Variants in BAZ1A observed in about 807,000 individuals in gnomAD.
The protein encoded by BAZ1A is bromodomain adjacent to zinc finger domain 1A, also known as bromodomain adjacent to zinc finger domain protein 1A.
Under a neutral mutation model 185.2 loss-of-function variants are expected in BAZ1A, and 50 were observed. That is an observed-to-expected ratio of 0.27 (90% CI 0.22 to 0.34). The LOEUF is 0.34. Ranked by LOEUF, BAZ1A falls within the 10% of genes least tolerant of loss-of-function variation. BAZ1A has a pLI of 1.00. For missense variants in BAZ1A, 1,356 were observed against 1,839.9 expected (o/e 0.74, Z 4.81); for synonymous variants, 571 against 615.6 (o/e 0.93, Z 1.07).
At chr14:34,865,746 T>C (rs2042847625) in intron 2 of BAZ1A, among the ~76,000 whole-genome samples, 1 of 151,936 alleles carries the variant, frequency 6.6e-6, no homozygotes, top group South Asian at 2.1e-4. Context: ...GTGTATATCA[T>C]CAAAAATACA....
chr14:34,783,768 G>A lies in BAZ1A; in HGVS notation c.1991C>T (p.Ala664Val). 6.2e-7 allele frequency: 1 copy of A among 1,603,522 alleles called. No homozygotes were observed. The highest frequency in any genetic ancestry group is 1.1e-5 in the South Asian group (1 of 88,468). The change falls in exon 15 of 27, where the codon GCT becomes GTT. Residue 664 changes from alanine to valine, a missense_variant. Transcript: ENST00000360310. ...TATTACAATTATCTCTTACCTGGCA[G>A]CTGCTTCTTCCCTCTCTTTTCGATG... ...EQHRKEREEA[A>V]ARIRKRKEEK...
intron 2 of BAZ1A, among the ~76,000 whole-genome samples, chr14:34,871,291 C>G (rs1403767686): frequency 6.6e-6 from 1 of 152,202 alleles, no homozygotes; most frequent in Non-Finnish European, 1.5e-5. Context: ...CTCTTGGCCT[C>G]AAGTGATCCT....
intron 3 of BAZ1A, among the ~76,000 whole-genome samples, chr14:34,829,573 G>T (rs1192965559): frequency 6.6e-6 from 1 of 152,002 alleles, no homozygotes; most frequent in Admixed American, 6.6e-5. Flanking sequence ...TCAAAAGTGT[G>T]ACTTATATTG....
intron 2 of BAZ1A, among the ~76,000 whole-genome samples, chr14:34,867,433 G>C (rs1252850411): frequency 6.6e-6 from 1 of 150,764 alleles, no homozygotes; most frequent in African/African-American, 2.4e-5. Flanking sequence ...AGTAGGTCAC[G>C]CATGGGATAT....
intron 6 of BAZ1A, among the ~76,000 whole-genome samples, chr14:34,803,380 GAAAAA>G (rs11448366): frequency 8.7e-6 from 1 of 114,898 alleles, no homozygotes; most frequent in African/African-American, 3.4e-5. Context: ...TCCATCTCAG[GAAAAA>G]AAAAAAAAAA....
In BAZ1A at chr14:34,844,205, C is replaced by CAA. The variant is rs71121227; in HGVS notation, c.392+17837_392+17838dup. 4.0e-4 allele frequency among the ~76,000 whole-genome samples: 44 copies of CAA among 109,806 alleles called. 2 individuals are homozygous for CAA. The highest frequency in any genetic ancestry group is 1.3e-3 in the African/African-American group (34 of 26,814). 72.0% of individuals were successfully genotyped at this position (109,806 alleles called of 152,430 possible). A position where few individuals can be genotyped will look rare whatever the true frequency, so the allele number is the denominator to read the frequency against. On this transcript the variant is annotated intron_variant, in intron 3 of 26. Coordinates refer to ENST00000360310, the MANE Select transcript of BAZ1A (RefSeq NM_013448.3). ...TGGGCGACAGAGCGAGACTCCGTCTCAAAAAAAAAAAAAAAAAAAAAAAAA... is the reference window on the plus strand; with the variant it reads ...TGGGCGACAGAGCGAGACTCCGTCTCAAAAAAAAAAAAAAAAAAAAAAAAAAA...
At chr14:34,789,812 A>G (rs1010346761) in intron 12 of BAZ1A, among the ~76,000 whole-genome samples, 2 of 152,236 alleles carry the variant, frequency 1.3e-5, no homozygotes, top group African/African-American at 2.4e-5. Flanking sequence ...AATGCCAGAG[A>G]AACAAATATT....
At chr14:34,827,734 CAAAAA>C (rs60368383) in intron 3 of BAZ1A, among the ~76,000 whole-genome samples, 1 of 133,096 alleles carries the variant, frequency 7.5e-6, no homozygotes. Flanking sequence ...GACTCTGTCT[CAAAAA>C]AAAAAAAAAA....
At chr14:34,762,333 A>G (rs567490116) in intron 23 of BAZ1A, 110 bp from the exon 24 acceptor site, 193 of 1,012,790 alleles carry the variant, frequency 1.9e-4, no homozygotes, top group African/African-American at 4.4e-4. Context: ...AATTTTCTAT[A>G]TAACTGAGAC....
intron 11 of BAZ1A, among the ~76,000 whole-genome samples, chr14:34,793,671 G>A (rs1026613584): frequency 6.6e-6 from 1 of 152,182 alleles, no homozygotes; most frequent in Non-Finnish European, 1.5e-5. Flanking sequence ...TGGGCCAGGT[G>A]TGGTGGCTCA....
intron 5 of BAZ1A, among the ~76,000 whole-genome samples, chr14:34,809,333 G>A (rs1230270587): frequency 6.6e-6 from 1 of 152,042 alleles, no homozygotes; most frequent in East Asian, 1.9e-4. Flanking sequence ...TAGTCCTGAA[G>A]GACTTCATTA....
intron 18 of BAZ1A, among the ~76,000 whole-genome samples, chr14:34,775,626 T>C (rs1879546975): frequency 6.6e-6 from 1 of 152,214 alleles, no homozygotes; most frequent in Non-Finnish European, 1.5e-5. Context: ...GAGTCTATTC[T>C]TGGGTTTCAG....
chr14:34,825,447 CAAAAAAAAAA>C (rs35449855), intron 4 of BAZ1A, among the ~76,000 whole-genome samples: 26 of 55,432 alleles, frequency 4.7e-4, no homozygotes, highest in Admixed American at 8.3e-4. Flanking sequence ...AACTCTGTCT[CAAAAAAAAAA>C]AAAAAAAAAA....
chr14:34,819,936 G>C (rs2042061509), intron 4 of BAZ1A, among the ~76,000 whole-genome samples: 1 of 152,148 alleles, frequency 6.6e-6, no homozygotes, highest in Admixed American at 6.5e-5. Context: ...AGCATTTGGT[G>C]TTGTCAGTGT....
chr14:34,836,610 T>A (rs912204025), intron 3 of BAZ1A, among the ~76,000 whole-genome samples: 8 of 151,872 alleles, frequency 5.3e-5, no homozygotes, highest in Non-Finnish European at 1.2e-4. Context: ...TGCTCCCCAT[T>A]CTGCCTCATT....
chr14:34,764,392 A>G (rs1391978637), intron 23 of BAZ1A, among the ~76,000 whole-genome samples: 1 of 147,330 alleles, frequency 6.8e-6, no homozygotes, highest in Non-Finnish European at 1.5e-5. Flanking sequence ...TCCCGGGTTC[A>G]AGCAGCTCTC....
intron 9 of BAZ1A, among the ~76,000 whole-genome samples, chr14:34,797,973 C>A (rs764123251): frequency 3.9e-5 from 6 of 152,252 alleles, no homozygotes; most frequent in Non-Finnish European, 7.3e-5. Context: ...TGCCCAAATA[C>A]TGCGCTTTTC....
chr14:34,780,241 T>C lies in BAZ1A; in HGVS notation c.2181A>G (p.Gln727=). 6.2e-7 allele frequency: 1 copy of C among 1,613,766 alleles called. No individual in the cohort carries two copies. The highest frequency in any genetic ancestry group is 8.5e-7 in the Non-Finnish European group (1 of 1,179,842). The change falls in exon 17 of 27, where the codon CAA becomes CAG. Residue 727 remains glutamine (Q), a synonymous_variant. Transcript: ENST00000360310. ...CATCTTCATCTTCAGTGACCATATC[T>C]TGATCTAATTCCTTTTGCTCTGTGT... ...SKDTEQKELD[Q]DMVTEDEDDP...
chr14:34,778,887 C>G (rs1228513866), intron 17 of BAZ1A, among the ~76,000 whole-genome samples: 1 of 152,138 alleles, frequency 6.6e-6, no homozygotes, highest in Non-Finnish European at 1.5e-5. Context: ...AAGGACCTTG[C>G]TCTGTTGCCC....
Sources: gnomAD v4.1 joint callset for allele counts (sites outside exome capture counted in the v4.1 genomes callset) on GRCh38, gnomAD v4.1.1 for gene constraint, MANE v1.5 for transcripts, NCBI Gene and HGNC (gene_info 2026-07-23, HGNC 2026-07-21) for gene names.